Variants in WWOX observed in about 807,000 individuals in gnomAD.
WWOX encodes WW domain containing oxidoreductase.
A neutral mutation model predicts 46.2 loss-of-function variants in WWOX; 69 were observed. The observed-to-expected ratio is 1.49, with a 90% confidence interval of 1.23 to 1.82. The LOEUF is 1.82. Ranked by LOEUF, WWOX falls within the 40% of genes most tolerant of loss-of-function variation. The probability of loss-of-function intolerance (pLI) is 0.00; values close to 1 mark genes in which losing one functional copy is unlikely to be tolerated. For synonymous variants in WWOX, 359 were observed against 202.6 expected (o/e 1.77, Z -6.56); for missense variants, 919 against 542.6 (o/e 1.69, Z -6.89).
In WWOX at chr16:78,942,866, C is replaced by T. The variant is rs537193599; in HGVS notation, c.1057-268742C>T. Among the ~76,000 whole-genome samples, 4 of 152,316 alleles carry T rather than the reference C, an allele frequency of 2.6e-5. No individual in the cohort carries two copies. The South Asian group carries it at 8.3e-4, about 32-fold the overall frequency. ...CGTGGCTCAGGTCCTAGGTCAAAGA[C>T]AGCTCTTTAGAAAGAGATGTTCTTT... On this transcript the variant is annotated intron_variant, in intron 8 of 8. Coordinates refer to ENST00000566780, the MANE Select transcript of WWOX (RefSeq NM_016373.4).
chr16:78,529,884 T>A (rs1259507153), intron 8 of WWOX, among the ~76,000 whole-genome samples: 2 of 152,224 alleles, frequency 1.3e-5, no homozygotes, highest in African/African-American at 4.8e-5. Flanking sequence ...AAATAACAGG[T>A]AATGCTAATC....
At chr16:78,408,849 G>C (rs989016805) in intron 6 of WWOX, among the ~76,000 whole-genome samples, 1 of 152,168 alleles carries the variant, frequency 6.6e-6, no homozygotes, top group South Asian at 2.1e-4. Context: ...GATTCTGTGA[G>C]CCCCATCTCA....
At chr16:78,475,794 C>T (rs1309909780) in intron 8 of WWOX, among the ~76,000 whole-genome samples, 1 of 152,114 alleles carries the variant, frequency 6.6e-6, no homozygotes, top group African/African-American at 2.4e-5. Flanking sequence ...CGCGTTTCAC[C>T]ATGTTAGCCA....
At chr16:78,942,815 T>G (rs75440579) in intron 8 of WWOX, among the ~76,000 whole-genome samples, 1,700 of 152,288 alleles carry the variant, frequency 0.011, 31 homozygotes, top group African/African-American at 0.039. Context: ...CTCTCTGGTT[T>G]CCCGGAAGGG....
chr16:78,307,749 C>T (rs2080160486), intron 5 of WWOX, among the ~76,000 whole-genome samples: 1 of 151,662 alleles, frequency 6.6e-6, no homozygotes, highest in South Asian at 2.1e-4. Context: ...ACCTGCCTCC[C>T]ACATACTGGA....
intron 4 of WWOX, among the ~76,000 whole-genome samples, chr16:78,121,595 A>G (rs1014850199): frequency 6.6e-6 from 1 of 152,038 alleles, no homozygotes; most frequent in African/African-American, 2.4e-5. Context: ...GGGTGTGTGT[A>G]TGTTATATAT....
chr16:78,692,234 A>C (rs1430292726), intron 8 of WWOX, among the ~76,000 whole-genome samples: 1 of 152,188 alleles, frequency 6.6e-6, no homozygotes, highest in African/African-American at 2.4e-5. Context: ...TTTTATTAAT[A>C]TCTAGTCCAT....
At chr16:79,100,734 A>G (rs1055203321) in intron 8 of WWOX, among the ~76,000 whole-genome samples, 1 of 152,154 alleles carries the variant, frequency 6.6e-6, no homozygotes, top group African/African-American at 2.4e-5. Flanking sequence ...CCAGGCTGCA[A>G]TTAAAATAAT....
chr16:78,356,216 A>G (rs1362203096), intron 5 of WWOX, among the ~76,000 whole-genome samples: 2 of 151,962 alleles, frequency 1.3e-5, no homozygotes, highest in South Asian at 2.1e-4. Context: ...GCATATATGT[A>G]TATTTGTGTG....
rs1385961917 is a variant in WWOX at position 78,348,021 on chromosome 16, C to T, written c.517-38839C>T. ...GTTTTAAAGGAATATAAAACTTTCT[C>T]TTTAAAAATATACCTTTCTGCTTCC... is the stretch of plus-strand genomic sequence containing the variant. On this transcript the variant is annotated intron_variant, in intron 5 of 8. Coordinates refer to ENST00000566780, the MANE Select transcript of WWOX (RefSeq NM_016373.4). Among the ~76,000 whole-genome samples, 2 of 122,546 alleles carry T rather than the reference C, an allele frequency of 1.6e-5. 1 individual carries two copies. The highest frequency in any genetic ancestry group is 3.9e-5 in the Non-Finnish European group (2 of 51,040). 80.4% of individuals were successfully genotyped at this position (122,546 alleles called of 152,430 possible). A position where few individuals can be genotyped will look rare whatever the true frequency, so the allele number is the denominator to read the frequency against.
In WWOX at chr16:78,750,843, T is replaced by C. The variant is rs545420129; in HGVS notation, c.1056+318091T>C. ...ATGATTTTCTTCTTTTTTATGGCTG[T>C]GTAGTATTTCGTGGTGTATACGTAC... On this transcript the variant is annotated intron_variant, in intron 8 of 8. Transcript: ENST00000566780. 1.1e-3 allele frequency among the ~76,000 whole-genome samples: 164 copies of C among 152,304 alleles called. 1 individual carries two copies. Among genetic ancestry groups the C allele is most frequent in the African/African-American group, 3.8e-3 (156 of 41,574 alleles).
At chr16:78,272,522 C>G (rs2079498192) in intron 5 of WWOX, among the ~76,000 whole-genome samples, 1 of 152,150 alleles carries the variant, frequency 6.6e-6, no homozygotes. Context: ...TCAAGGGGAG[C>G]AGACATACAC....
intron 5 of WWOX, among the ~76,000 whole-genome samples, chr16:78,233,983 C>G (rs1369253520): frequency 1.3e-5 from 2 of 152,186 alleles, no homozygotes; most frequent in African/African-American, 4.8e-5. Context: ...CTGCTCTCTT[C>G]CATTCTCAAA....
intron 8 of WWOX, among the ~76,000 whole-genome samples, chr16:78,661,817 G>A (rs1329377539): frequency 1.3e-5 from 2 of 152,214 alleles, no homozygotes; most frequent in Non-Finnish European, 2.9e-5. Flanking sequence ...CCGGTGTATC[G>A]CCTGAGTCCA....
intron 8 of WWOX, among the ~76,000 whole-genome samples, chr16:78,989,986 T>C (rs1393170431): frequency 6.6e-6 from 1 of 151,664 alleles, no homozygotes; most frequent in Non-Finnish European, 1.5e-5. Context: ...AGTTCGAGGC[T>C]AGCCTGGGCA....
chr16:78,147,827 T>A (rs1487056877), intron 4 of WWOX, among the ~76,000 whole-genome samples: 1 of 151,694 alleles, frequency 6.6e-6, no homozygotes, highest in Non-Finnish European at 1.5e-5. Flanking sequence ...TCTTAATTTT[T>A]CTTTTTTAAA....
chr16:79,190,034 A>G (rs1451831978), intron 8 of WWOX, among the ~76,000 whole-genome samples: 1 of 151,696 alleles, frequency 6.6e-6, no homozygotes, highest in African/African-American at 2.4e-5. Flanking sequence ...TTTTTTAATT[A>G]TTATTATTAT....
chr16:78,511,758 G>C (rs1395321609), intron 8 of WWOX, among the ~76,000 whole-genome samples: 2 of 152,126 alleles, frequency 1.3e-5, no homozygotes, highest in African/African-American at 2.4e-5. Flanking sequence ...TTGATTTCAG[G>C]TTCATCTTGA....
intron 4 of WWOX, among the ~76,000 whole-genome samples, chr16:78,150,731 A>T (rs1363648828): frequency 6.6e-6 from 1 of 152,172 alleles, no homozygotes; most frequent in Non-Finnish European, 1.5e-5. Flanking sequence ...GATTACTTAA[A>T]TCATTGGCCA....
Sources: allele counts gnomAD v4.1 joint callset (sites outside exome capture counted in the v4.1 genomes callset), GRCh38; gene constraint gnomAD v4.1.1; transcripts MANE v1.5; gene names NCBI Gene and HGNC (gene_info 2026-07-23, HGNC 2026-07-21).